GLYR1: variants seen among roughly 807,000 people sequenced by gnomAD.
GLYR1 encodes the protein glyoxylate reductase 1 homolog.
A neutral mutation model predicts 72.7 loss-of-function variants in GLYR1; 21 were observed. That is an observed-to-expected ratio of 0.29 (90% confidence interval 0.20 to 0.42). The LOEUF is 0.42. Ranked by LOEUF, GLYR1 falls within the 10% of genes least tolerant of loss-of-function variation. The probability of loss-of-function intolerance (pLI) is 1.00; values close to 1 mark genes in which losing one functional copy is unlikely to be tolerated. For missense variants in GLYR1, 594 were observed against 712.1 expected (o/e 0.83, Z 1.89); for synonymous variants, 392 against 270.2 (o/e 1.45, Z -4.42).
chr16:4,812,496 ATTTT>A (rs564781680), intron 12 of GLYR1, among the ~76,000 whole-genome samples: 3 of 144,018 alleles, frequency 2.1e-5, no homozygotes, highest in South Asian at 4.4e-4. Context: ...CTGACTTGGA[ATTTT>A]TTTTTTTTTT....
At chr16:4,814,968 CCT>C (rs1175514843) in intron 10 of GLYR1, among the ~76,000 whole-genome samples, 2 of 152,186 alleles carry the variant, frequency 1.3e-5, no homozygotes, top group African/African-American at 4.8e-5. Context: ...TGGCTGTGGC[CCT>C]GAGCTATCAA....
chr16:4,819,602 C>T (rs373559213), intron 9 of GLYR1, among the ~76,000 whole-genome samples: 10 of 152,134 alleles, frequency 6.6e-5, no homozygotes, highest in African/African-American at 2.2e-4. Context: ...TGAGCTACTG[C>T]GCTTGGCCAT....
chr16:4,816,527 G>A (rs906435381), intron 10 of GLYR1, among the ~76,000 whole-genome samples: 16 of 151,780 alleles, frequency 1.1e-4, no homozygotes, highest in South Asian at 2.1e-4. Context: ...CCCTTCTTAC[G>A]TATTTGCTAC....
chr16:4,838,809 G>T (rs2085336920), intron 3 of GLYR1, among the ~76,000 whole-genome samples: 2 of 152,118 alleles, frequency 1.3e-5, no homozygotes, highest in Non-Finnish European at 1.5e-5. Flanking sequence ...GCATGGTCTT[G>T]ATCTCCTGAC....
At chr16:4,823,731 C>T (rs1243267405) in intron 6 of GLYR1, 90 bp downstream of exon 6, 2 of 991,114 alleles carry the variant, frequency 2.0e-6, no homozygotes, top group East Asian at 2.4e-5. Context: ...GCCTCACACA[C>T]AAGAAAGGGA....
At chr16:4,811,542 T>G in intron 14 of GLYR1, 81 bp downstream of exon 14, 1 of 1,538,908 alleles carries the variant, frequency 6.5e-7, no homozygotes, top group East Asian at 2.2e-5. Flanking sequence ...AGGGGCATCT[T>G]TCACGCTCAC....
intron 10 of GLYR1, among the ~76,000 whole-genome samples, chr16:4,816,188 G>A (rs77500958): frequency 0.016 from 2,454 of 152,102 alleles, 45 homozygotes; most frequent in Middle Eastern, 0.044. Context: ...CTGCTGCCTA[G>A]GTGGGAATGC....
At chr16:4,833,015 T>C (rs1156782692) in intron 3 of GLYR1, 103 bp from the exon 4 acceptor site, 2 of 1,147,420 alleles carry the variant, frequency 1.7e-6, no homozygotes, top group African/African-American at 1.6e-5. Context: ...TTGGTTTAAC[T>C]GGACTTTGCA....
chr16:4,813,642 G>T, intron 12 of GLYR1, 95 bp downstream of exon 12: 1 of 1,057,922 alleles, frequency 9.5e-7, no homozygotes, highest in Non-Finnish European at 1.4e-6. Flanking sequence ...CTCTGGCTTT[G>T]GCTCTAGAGT....
chr16:4,839,737 A>G (rs1328420747), intron 3 of GLYR1: 2 of 152,224 alleles, frequency 1.3e-5, no homozygotes, highest in African/African-American at 2.4e-5. Flanking sequence ...GTGGAGAGAG[A>G]AAAATCAGGT....
chr16:4,837,790 G>A (rs1224696124), intron 3 of GLYR1, among the ~76,000 whole-genome samples: 2 of 151,974 alleles, frequency 1.3e-5, no homozygotes, highest in East Asian at 1.9e-4. Flanking sequence ...AATTAGCTAG[G>A]TGCGGTGGCA....
chr16:4,818,437 G>A (rs115534207), intron 9 of GLYR1, among the ~76,000 whole-genome samples: 2 of 152,024 alleles, frequency 1.3e-5, no homozygotes, highest in Non-Finnish European at 2.9e-5. Flanking sequence ...TGAGACTACA[G>A]GCATCTGTCA....
rs78549400 is a variant in GLYR1 at position 4,805,499 on chromosome 16, G to A, written c.1588-189C>T. ...CTGGACCTCAGCCACTGTGCTTCTT[G>A]CTCTGGGAGAAGGAACAGTACCCGG... On this transcript the variant is annotated intron_variant, in intron 15 of 15. Coordinates refer to ENST00000321919, the MANE Select transcript of GLYR1 (RefSeq NM_032569.4). Among the ~76,000 whole-genome samples the A allele has an allele frequency of 3.6e-3, 554 of 152,322 alleles. 5 individuals carry two copies. Among genetic ancestry groups the A allele is most frequent in the African/African-American group, 0.013 (521 of 41,564 alleles).
rs891347147 is a variant in GLYR1 at position 4,821,095 on chromosome 16, T to C, written c.806+285A>G. On this transcript the variant is annotated intron_variant, in intron 9 of 15. Transcript: ENST00000321919. ...ACTGAGAAGCCACCTTCCAGGTGAC[T>C]GTCAGGCACAGGAAAGTCTGAGAAC... 2.0e-5 allele frequency: 10 copies of C among 512,052 alleles called. No homozygotes were observed. In the East Asian group the frequency reaches 2.0e-4, roughly 10 times the overall value. The allele number at this position is 512,052 out of a possible 1,614,324, so 31.7% of individuals were successfully genotyped here. A position where few individuals can be genotyped will look rare whatever the true frequency, so the allele number is the denominator to read the frequency against.
Position 4,811,704 on chromosome 16 carries a change from T to A in GLYR1, c.1381A>T (p.Thr461Ser). 6.2e-7 allele frequency: 1 copy of A among 1,614,200 alleles called. No individual in the cohort carries two copies. Among genetic ancestry groups the A allele is most frequent in the Non-Finnish European group, 8.5e-7 (1 of 1,180,012 alleles). Residue 461 changes from threonine to serine, a missense_variant, in exon 14 of 16, where the codon ACA (threonine) becomes TCA (serine). Physicochemically the swap from Thr to Ser is moderately conservative, Grantham distance 58. Around this residue, in one of 5 missense-constraint regions of GLYR1, gnomAD observed 266 missense variants for 358.4 expected, o/e 0.74. Coordinates refer to ENST00000321919, the MANE Select transcript of GLYR1 (RefSeq NM_032569.4). ...AAGAGTGTCTGCTGGGACTGGCCTG[T>A]CACCTGGGCCAGGGTCAGCCCCTCG... ...IAEGLTLAQV[T>S]GQSQQTLLDI...
chr16:4,819,285 T>C (rs2083858495), intron 9 of GLYR1, among the ~76,000 whole-genome samples: 1 of 152,168 alleles, frequency 6.6e-6, no homozygotes, highest in Non-Finnish European at 1.5e-5. Context: ...AGTGTTAGGA[T>C]TATGGGCGTG....
Position 4,806,756 on chromosome 16 carries a change from G to A in GLYR1, c.1588-1446C>T, listed in dbSNP as rs147561249. On this transcript the variant is annotated intron_variant, in intron 15 of 15. Transcript: ENST00000321919. ...GAGTAACCACTAAAAAAAGAATGCA[G>A]AGGCAAAGTAAAAAAGAAAATAGAT... 4.6e-5 allele frequency among the ~76,000 whole-genome samples: 7 copies of A among 151,698 alleles called. No individual in the cohort carries two copies. In the East Asian group the frequency reaches 1.4e-3, roughly 29 times the overall value.
chr16:4,805,170 C>G lies in GLYR1; in HGVS notation c.*66G>C. 1.5e-6 allele frequency: 2 copies of G among 1,372,854 alleles called. No homozygotes were observed. Among genetic ancestry groups the G allele is most frequent in the Non-Finnish European group, 2.1e-6 (2 of 966,186 alleles). 85.0% of individuals were successfully genotyped at this position (1,372,854 alleles called of 1,614,324 possible). Reference sequence around the variant, plus strand: ...GGTCCAGAATGAACTCCCAGGCCCCCGACCCCATGTGAGGAAGAGGGGGTC... The same window carrying G: ...GGTCCAGAATGAACTCCCAGGCCCCGGACCCCATGTGAGGAAGAGGGGGTC... On this transcript the variant is annotated 3_prime_UTR_variant, in exon 16 of 16. Coordinates refer to ENST00000321919, the MANE Select transcript of GLYR1 (RefSeq NM_032569.4).
chr16:4,827,069 G>A (rs959775953), intron 5 of GLYR1, among the ~76,000 whole-genome samples: 3 of 152,226 alleles, frequency 2.0e-5, no homozygotes, highest in Non-Finnish European at 2.9e-5. Context: ...CGCTGCTGGG[G>A]TGCAGCTCTT....
Sources: gnomAD v4.1 joint callset for allele counts (sites outside exome capture counted in the v4.1 genomes callset) on GRCh38, gnomAD v4.1.1 for gene constraint, gnomAD v4.1.1 regional missense constraint, MANE v1.5 for transcripts, NCBI Gene and HGNC (gene_info 2026-07-23, HGNC 2026-07-21) for gene names.